STK33: variants seen among roughly 807,000 people sequenced by gnomAD.
The protein encoded by STK33 is serine/threonine kinase 33, also known as serine/threonine-protein kinase 33.
Under a neutral mutation model 58.0 loss-of-function variants are expected in STK33, and 52 were observed. The observed-to-expected ratio is 0.90, with a 90% CI of 0.72 to 1.13. STK33 has a LOEUF of 1.13. Ranked by LOEUF, STK33 falls within the 50% of genes most tolerant of loss-of-function variation. The pLI is 0.00. For synonymous variants in STK33, 215 were observed against 200.1 expected (o/e 1.07, Z -0.63); for missense variants, 630 against 604.2 (o/e 1.04, Z -0.45).
intron 6 of STK33, among the ~76,000 whole-genome samples, chr11:8,470,561 A>C (rs1565109081): frequency 1.3e-5 from 2 of 152,220 alleles, no homozygotes; most frequent in South Asian, 4.1e-4. Context: ...TAAATGGTGC[A>C]AGAGGCCTAG....
At chr11:8,376,436 C>T in the STK33 span, among the ~76,000 whole-genome samples, 3 of 152,286 alleles carry the variant, frequency 2.0e-5, no homozygotes, top group East Asian at 1.9e-4. Flanking sequence ...TTTGGTTCTC[C>T]GAGCTCTCCT....
the STK33 span, among the ~76,000 whole-genome samples, chr11:8,337,945 G>A: frequency 7.9e-5 from 12 of 151,504 alleles, no homozygotes; most frequent in East Asian, 1.4e-3. Context: ...CCCATCCCCC[G>A]TATTCCGTGC....
chr11:8,488,585 G>A (rs903463368), intron 1 of STK33, among the ~76,000 whole-genome samples: 8 of 151,948 alleles, frequency 5.3e-5, no homozygotes, highest in Non-Finnish European at 7.4e-5. Context: ...AGGCATTGGA[G>A]GAAATCTTTT....
the STK33 span, among the ~76,000 whole-genome samples, chr11:8,384,842 G>A: frequency 6.6e-6 from 1 of 152,134 alleles, no homozygotes; most frequent in Non-Finnish European, 1.5e-5. Flanking sequence ...GCCACTACCG[G>A]ACTCCGCGCA....
At chr11:8,497,662 G>A (rs67320655) in intron 1 of STK33, among the ~76,000 whole-genome samples, 25,525 of 151,970 alleles carry the variant, frequency 0.17, 2,632 homozygotes, top group South Asian at 0.31. Flanking sequence ...GGGTCTCACC[G>A]TATTGCCCAG....
chr11:8,376,201 T>C, the STK33 span, among the ~76,000 whole-genome samples: 1 of 152,116 alleles, frequency 6.6e-6, no homozygotes, highest in Non-Finnish European at 1.5e-5. Context: ...GGGATCTCGG[T>C]TGATCCTTGG....
At chr11:8,523,394 C>A (rs1271269369) in intron 1 of STK33, among the ~76,000 whole-genome samples, 3 of 151,738 alleles carry the variant, frequency 2.0e-5, no homozygotes, top group African/African-American at 7.3e-5. Flanking sequence ...GGAAGCGCCT[C>A]TGCCCAGCCG....
At chr11:8,567,692 G>A (rs1957542176) in intron 1 of STK33, among the ~76,000 whole-genome samples, 1 of 152,274 alleles carries the variant, frequency 6.6e-6, no homozygotes, top group Non-Finnish European at 1.5e-5. Flanking sequence ...GTCCCAATAT[G>A]GGCATGATGA....
intron 14 of STK33, among the ~76,000 whole-genome samples, chr11:8,416,781 TA>T (rs994104560): frequency 1.3e-5 from 2 of 152,174 alleles, no homozygotes; most frequent in African/African-American, 4.8e-5. Context: ...GGATCCAGAA[TA>T]AGAGTATTAT....
chr11:8,532,281 G>A (rs1954616213), intron 1 of STK33, among the ~76,000 whole-genome samples: 1 of 152,208 alleles, frequency 6.6e-6, no homozygotes, highest in Non-Finnish European at 1.5e-5. Context: ...ATGGCCCAGT[G>A]GCCAAATCTG....
At chr11:8,370,927 G>A in the STK33 span, among the ~76,000 whole-genome samples, 80,601 of 151,896 alleles carry the variant, frequency 0.53, 21,490 homozygotes, top group African/African-American at 0.59. Context: ...TGATGAGTTT[G>A]GAGATCATGA....
At chr11:8,406,946 G>A (rs917137923) in intron 15 of STK33, among the ~76,000 whole-genome samples, 11 of 150,860 alleles carry the variant, frequency 7.3e-5, no homozygotes, top group African/African-American at 2.7e-4. Context: ...TCAATATTTT[G>A]CCATTAAGAA....
At chr11:8,502,360 A>G (rs1951580453) in intron 1 of STK33, among the ~76,000 whole-genome samples, 1 of 152,114 alleles carries the variant, frequency 6.6e-6, no homozygotes, top group Non-Finnish European at 1.5e-5. Flanking sequence ...ATCTTTGACA[A>G]AGCTGACAAA....
intron 1 of STK33, among the ~76,000 whole-genome samples, chr11:8,490,888 G>C (rs923386682): frequency 6.6e-6 from 1 of 152,032 alleles, no homozygotes; most frequent in African/African-American, 2.4e-5. Context: ...GAAAGGAATA[G>C]GATCAACATC....
the STK33 span, among the ~76,000 whole-genome samples, chr11:8,361,857 C>T: frequency 5.9e-5 from 9 of 152,252 alleles, no homozygotes; most frequent in East Asian, 1.7e-3. This position sits in a 1 kb window ranked among gnomAD's most constrained non-coding sequence, Gnocchi z 4.8. Flanking sequence ...TGCTGGATCC[C>T]CTGCCCCATA....
intron 6 of STK33, among the ~76,000 whole-genome samples, chr11:8,468,491 G>T (rs191742562): frequency 6.6e-6 from 1 of 152,072 alleles, no homozygotes; most frequent in Non-Finnish European, 1.5e-5. Context: ...TTCATGAAGG[G>T]CTTCCTTGTT....
At chr11:8,445,390 G>T (rs888907207) in intron 11 of STK33, among the ~76,000 whole-genome samples, 6 of 152,096 alleles carry the variant, frequency 3.9e-5, no homozygotes, top group East Asian at 1.9e-4. Context: ...TTGCCTGACT[G>T]CCCTGGCCAG....
At chr11:8,356,362 GAGA>G in the STK33 span, among the ~76,000 whole-genome samples, 6 of 152,268 alleles carry the variant, frequency 3.9e-5, no homozygotes, top group East Asian at 1.9e-4. Context: ...TGTGGAGGGG[GAGA>G]AGAAGGAGTG....
At chr11:8,394,034 T>C (rs561919721) in intron 15 of STK33, among the ~76,000 whole-genome samples, 4 of 152,340 alleles carry the variant, frequency 2.6e-5, no homozygotes, top group African/African-American at 9.6e-5. Flanking sequence ...TTTTGTACCT[T>C]AAAATTTTAA....
Sources: allele counts gnomAD v4.1 joint callset (sites outside exome capture counted in the v4.1 genomes callset), GRCh38; gene constraint gnomAD v4.1.1; non-coding constraint Gnocchi (gnomAD v3.1); transcripts MANE v1.5; gene names NCBI Gene and HGNC (gene_info 2026-07-23, HGNC 2026-07-21).